Variants in FAAH2 observed in about 807,000 individuals in gnomAD.
The protein encoded by FAAH2 is fatty-acid amide hydrolase 2.
FAAH2 carries 60 observed loss-of-function variants against 36.9 expected under a neutral mutation model. The ratio of observed to expected loss-of-function variants is 1.63; its 90% confidence interval spans 1.32 to 2.02. FAAH2 has a LOEUF of 2.02. FAAH2 is among the 30% of genes most tolerant of loss of function. The probability of loss-of-function intolerance (pLI) is 0.00; values close to 1 mark genes in which losing one functional copy is unlikely to be tolerated. For synonymous variants in FAAH2, 214 were observed against 143.8 expected, an observed-to-expected ratio of 1.49 and a Z score of -3.49; for missense variants, 689 against 397.5, an observed-to-expected ratio of 1.73 and a Z score of -6.23.
chrX:57,167,114 G>A, the FAAH2 span, among the ~76,000 whole-genome samples: 1 of 111,686 alleles, frequency 9.0e-6, no homozygotes, highest in African/African-American at 3.3e-5. Flanking sequence ...AAGTCACAGG[G>A]CCACAAAGAT....
At chrX:57,455,474 A>T (rs773279640) in intron 10 of FAAH2, among the ~76,000 whole-genome samples, 1 of 110,864 alleles carries the variant, frequency 9.0e-6, no homozygotes, top group Non-Finnish European at 1.9e-5. Flanking sequence ...TAAAGGGTCT[A>T]AAAGTACCAC....
At chrX:57,431,543 AG>A (rs1027878183) in intron 7 of FAAH2, among the ~76,000 whole-genome samples, 4 of 111,229 alleles carry the variant, frequency 3.6e-5, no homozygotes, top group African/African-American at 1.3e-4. Flanking sequence ...TTTACAAGCA[AG>A]TTCCATTCAT....
At chrX:57,401,047 C>T (rs2055421838) in intron 7 of FAAH2, among the ~76,000 whole-genome samples, 1 of 111,550 alleles carries the variant, frequency 9.0e-6, no homozygotes, top group Admixed American at 9.5e-5. Flanking sequence ...GGTGTGAACC[C>T]AGGAGACAGA....
intron 3 of FAAH2, among the ~76,000 whole-genome samples, chrX:57,325,667 T>C (rs2053194063): frequency 1.1e-5 from 1 of 87,560 alleles, no homozygotes; most frequent in South Asian, 7.0e-4. Flanking sequence ...TGTATTTCTG[T>C]GGGATCAGTG....
chrX:57,259,711 T>G, the FAAH2 span, among the ~76,000 whole-genome samples: 10 of 111,892 alleles, frequency 8.9e-5, no homozygotes, highest in Non-Finnish European at 1.5e-4. Context: ...GGTAACTATG[T>G]GAGGTGATGG....
At chrX:57,368,358 C>T (rs1386689266) in intron 5 of FAAH2, among the ~76,000 whole-genome samples, 4 of 110,009 alleles carry the variant, frequency 3.6e-5, no homozygotes, top group African/African-American at 1.3e-4. Flanking sequence ...GGGAGCAGTG[C>T]ACAAGCTTGT....
chrX:57,366,505 C>T (rs2054420288), intron 5 of FAAH2, among the ~76,000 whole-genome samples: 1 of 112,481 alleles, frequency 8.9e-6, no homozygotes, highest in African/African-American at 3.2e-5. Flanking sequence ...TGGTCATCCC[C>T]CACATGGGTG....
the FAAH2 span, among the ~76,000 whole-genome samples, chrX:57,162,407 T>C: frequency 8.9e-6 from 1 of 111,736 alleles, no homozygotes; most frequent in African/African-American, 3.3e-5. Flanking sequence ...AATGTTGGCC[T>C]GTCTTGCTAG....
At chrX:57,410,961 T>C (rs367704932) in intron 7 of FAAH2, among the ~76,000 whole-genome samples, 8 of 111,872 alleles carry the variant, frequency 7.2e-5, no homozygotes, top group Middle Eastern at 4.6e-3. Flanking sequence ...TGGGGCTTTA[T>C]TTTGGTCCTT....
intron 5 of FAAH2, among the ~76,000 whole-genome samples, chrX:57,349,531 A>G (rs5914976): frequency 4.9e-4 from 51 of 103,696 alleles, no homozygotes; most frequent in Non-Finnish European, 9.0e-4. Context: ...TTTTATACAC[A>G]TATATATTTT....
intron 5 of FAAH2, among the ~76,000 whole-genome samples, chrX:57,368,056 CAT>C (rs1248598713): frequency 9.0e-6 from 1 of 111,145 alleles, no homozygotes; most frequent in Non-Finnish European, 1.9e-5. Context: ...AGTAGTACAC[CAT>C]TACTCAGCCA....
At chrX:57,253,999 TAA>T in the FAAH2 span, among the ~76,000 whole-genome samples, 1 of 110,475 alleles carries the variant, frequency 9.1e-6, no homozygotes, top group African/African-American at 3.3e-5. Flanking sequence ...GCAAATTAGA[TAA>T]AGAGTGAAGA....
At chrX:57,482,880 C>T (rs1047913600) in intron 10 of FAAH2, among the ~76,000 whole-genome samples, 5 of 110,036 alleles carry the variant, frequency 4.5e-5, no homozygotes, top group Non-Finnish European at 9.5e-5. Context: ...GAAGTCCACT[C>T]TTAGCCTGAT....
At chrX:57,342,626 CATATTTT>C (rs1458473690) in intron 5 of FAAH2, among the ~76,000 whole-genome samples, 95 of 110,953 alleles carry the variant, frequency 8.6e-4, no homozygotes, top group African/African-American at 2.7e-3. Flanking sequence ...TTTTCCCTTC[CATATTTT>C]ATTCTACGTT....
intron 5 of FAAH2, among the ~76,000 whole-genome samples, chrX:57,358,603 T>A (rs2054217350): frequency 9.0e-6 from 1 of 111,548 alleles, no homozygotes; most frequent in Non-Finnish European, 1.9e-5. Flanking sequence ...TCTCAACCTG[T>A]TCATCTGTTG....
chrX:57,224,545 C>T, the FAAH2 span, among the ~76,000 whole-genome samples: 2 of 111,383 alleles, frequency 1.8e-5, no homozygotes, highest in African/African-American at 3.3e-5. Flanking sequence ...CAGCAGTGTG[C>T]ACCAGCAGCG....
At chrX:57,356,943 C>T (rs1248787369) in intron 5 of FAAH2, among the ~76,000 whole-genome samples, 1 of 110,769 alleles carries the variant, frequency 9.0e-6, no homozygotes, top group African/African-American at 3.3e-5. Flanking sequence ...TCCCCTAGCC[C>T]TCCACCCTCT....
chrX:57,136,536 GC>G, the FAAH2 span: 2 of 432,618 alleles, frequency 4.6e-6, no homozygotes, highest in Admixed American at 1.1e-4. Flanking sequence ...AGACCCAGTG[GC>G]CCGTCCTGCA....
intron 10 of FAAH2, among the ~76,000 whole-genome samples, chrX:57,482,343 C>T (rs1202933762): frequency 9.0e-6 from 1 of 111,713 alleles, no homozygotes; most frequent in Admixed American, 9.5e-5. Flanking sequence ...GTCAAAACAG[C>T]CACCCAGTTT....
Sources: allele counts gnomAD v4.1 joint callset (sites outside exome capture counted in the v4.1 genomes callset), GRCh38; gene constraint gnomAD v4.1.1; transcripts MANE v1.5; gene names NCBI Gene and HGNC (gene_info 2026-07-23, HGNC 2026-07-21).